The following USH2A variants were observed in gnomAD, a reference collection of about 807,000 sequenced individuals.
The protein encoded by USH2A is usherin.
Under a neutral mutation model 538.9 loss-of-function variants are expected in USH2A, and 443 were observed. The ratio of observed to expected loss-of-function variants is 0.82; its 90% CI spans 0.76 to 0.89. The LOEUF is 0.89. USH2A is among the 40% of genes least tolerant of loss of function. The pLI, the probability that USH2A is intolerant of heterozygous loss-of-function variation, is 0.00. For missense variants in USH2A, 6,633 were observed against 6,324.8 expected (o/e 1.05, Z -1.65); for synonymous variants, 2,413 against 2,273.5 (o/e 1.06, Z -1.75).
chr1:215,962,849 T>G (rs573759221), intron 37 of USH2A, among the ~76,000 whole-genome samples: 2 of 152,276 alleles, frequency 1.3e-5, no homozygotes, highest in South Asian at 4.1e-4. Context: ...AATCACACTT[T>G]GATACGTGCC....
At chr1:215,805,636 A>G (rs2102785622) in intron 49 of USH2A, among the ~76,000 whole-genome samples, 2 of 152,206 alleles carry the variant, frequency 1.3e-5, no homozygotes, top group South Asian at 2.1e-4. Flanking sequence ...CAAGGAAAAA[A>G]TAAATCCATG....
intron 21 of USH2A, among the ~76,000 whole-genome samples, chr1:216,149,424 G>T (rs1444056502): frequency 6.6e-6 from 1 of 152,032 alleles, no homozygotes; most frequent in African/African-American, 2.4e-5. Context: ...ACCCCTTACC[G>T]TCCTCAATCT....
intron 35 of USH2A, among the ~76,000 whole-genome samples, chr1:215,983,262 G>A (rs978973036): frequency 6.6e-6 from 1 of 152,056 alleles, no homozygotes; most frequent in African/African-American, 2.4e-5. Flanking sequence ...ACGCCTGGCC[G>A]AAACTGACCT....
chr1:216,191,621 T>C (rs2034718422), intron 19 of USH2A, among the ~76,000 whole-genome samples: 1 of 151,970 alleles, frequency 6.6e-6, no homozygotes, highest in African/African-American at 2.4e-5. Context: ...ATTGATATAA[T>C]GAAGATACAA....
chr1:215,877,973 A>T, intron 42 of USH2A, 93 bp from the exon 43 acceptor site: 1 of 1,534,184 alleles, frequency 6.5e-7, no homozygotes, highest in Non-Finnish European at 9.0e-7. Context: ...TGCGTGTGAT[A>T]TATGCGTGGA....
intron 14 of USH2A, among the ~76,000 whole-genome samples, chr1:216,228,000 A>G (rs1424857184): frequency 6.6e-6 from 1 of 152,156 alleles, no homozygotes; most frequent in Non-Finnish European, 1.5e-5. Context: ...GTTTTGCCTC[A>G]GGCTAGAAGT....
At chr1:216,423,180 G>A (rs1308943410) in intron 1 of USH2A, 34 bp downstream of exon 1, 1 of 152,124 alleles carries the variant, frequency 6.6e-6, no homozygotes, top group African/African-American at 2.4e-5. Flanking sequence ...CTAATACTGT[G>A]CAAGTAATTG....
intron 21 of USH2A, among the ~76,000 whole-genome samples, chr1:216,113,137 TAAAAAAAAAAAA>T (rs71159901): frequency 7.8e-6 from 1 of 127,582 alleles, no homozygotes; most frequent in Non-Finnish European, 1.7e-5. Flanking sequence ...CTCCAAATGA[TAAAAAAAAAAAA>T]AAAAAAACAA....
chr1:216,397,969 C>T (rs2039242588), intron 3 of USH2A, among the ~76,000 whole-genome samples: 1 of 152,198 alleles, frequency 6.6e-6, no homozygotes, highest in Non-Finnish European at 1.5e-5. Flanking sequence ...CTGACTAATA[C>T]AGACCATGTC....
chr1:216,243,893 T>C (rs1185099659), intron 13 of USH2A, among the ~76,000 whole-genome samples: 1 of 152,166 alleles, frequency 6.6e-6, no homozygotes, highest in Admixed American at 6.5e-5. Flanking sequence ...AGAAGCATAA[T>C]TATGGGGTAA....
chr1:216,339,832 G>A (rs1173178763), intron 4 of USH2A, among the ~76,000 whole-genome samples: 1 of 151,670 alleles, frequency 6.6e-6, no homozygotes, highest in African/African-American at 2.4e-5. Context: ...CACAGCTAAG[G>A]CAGTGTTAAG....
At chr1:215,842,185 C>G (rs1333796928) in intron 46 of USH2A, among the ~76,000 whole-genome samples, 4 of 151,996 alleles carry the variant, frequency 2.6e-5, no homozygotes, top group Admixed American at 2.6e-4. Flanking sequence ...AAAGAATAAC[C>G]TGGTGTGGTG....
intron 13 of USH2A, among the ~76,000 whole-genome samples, chr1:216,245,509 GAGAGAGAGAC>G (rs1462638782): frequency 6.9e-6 from 1 of 144,178 alleles, no homozygotes; most frequent in Admixed American, 7.2e-5. Context: ...GAGAGAGAGA[GAGAGAGAGAC>G]AAATGAATAT....
At chr1:216,397,673 A>C (rs2039234371) in intron 3 of USH2A, among the ~76,000 whole-genome samples, 1 of 152,136 alleles carries the variant, frequency 6.6e-6, no homozygotes, top group African/African-American at 2.4e-5. Context: ...GGACCCTGAA[A>C]CTTGCAGCAG....
At chr1:215,777,478 A>G (rs1456811274) in intron 55 of USH2A, among the ~76,000 whole-genome samples, 1 of 152,248 alleles carries the variant, frequency 6.6e-6, no homozygotes, top group South Asian at 2.1e-4. Context: ...CTTTAGCCTT[A>G]TATCACAATT....
At chr1:216,408,519 C>T (rs531895188) in intron 3 of USH2A, among the ~76,000 whole-genome samples, 11 of 152,246 alleles carry the variant, frequency 7.2e-5, no homozygotes, top group Admixed American at 2.0e-4. Context: ...TTAACAATAA[C>T]TATCAAAATA....
At chr1:216,211,610 A>G (rs545926220) in intron 15 of USH2A, among the ~76,000 whole-genome samples, 1 of 152,336 alleles carries the variant, frequency 6.6e-6, no homozygotes, top group South Asian at 2.1e-4. Flanking sequence ...AACTAGATAC[A>G]TGCTCATTGC....
chr1:216,079,027 A>G (rs1417961690), intron 26 of USH2A: 1 of 152,140 alleles, frequency 6.6e-6, no homozygotes, highest in African/African-American at 2.4e-5. Flanking sequence ...TTCCTTCAAA[A>G]TGTCTCATGA....
chr1:216,130,581 TAATACAC>T (rs1239618981), intron 21 of USH2A, among the ~76,000 whole-genome samples: 1 of 146,386 alleles, frequency 6.8e-6, no homozygotes, highest in Non-Finnish European at 1.5e-5. Flanking sequence ...ATATAATATA[TAATACAC>T]ATTATATATC....
Sources: gnomAD v4.1 joint callset for allele counts (sites outside exome capture counted in the v4.1 genomes callset) on GRCh38, gnomAD v4.1.1 for gene constraint, MANE v1.5 for transcripts, NCBI Gene and HGNC (gene_info 2026-07-23, HGNC 2026-07-21) for gene names.